The following ABI3BP variants were observed in gnomAD, a reference collection of about 807,000 sequenced individuals.
The protein encoded by ABI3BP is target of Nesh-SH3.
Under a neutral mutation model 268.6 loss-of-function variants are expected in ABI3BP, and 216 were observed. The ratio of observed to expected loss-of-function variants is 0.80; its 90% CI spans 0.72 to 0.90. The LOEUF is 0.90. Ranked by LOEUF, ABI3BP falls within the 40% of genes least tolerant of loss-of-function variation. The pLI, the probability that ABI3BP is intolerant of heterozygous loss-of-function variation, is 0.00. For synonymous variants in ABI3BP, 730 were observed against 730.0 expected, an observed-to-expected ratio of 1.00 and a Z score of 0.00; for missense variants, 2,090 against 2,182.4, an observed-to-expected ratio of 0.96 and a Z score of 0.84.
intron 41 of ABI3BP, 40 bp from the exon 42 acceptor site, chr3:100,817,535 T>A (rs1169574444): frequency 7.5e-7 from 1 of 1,332,616 alleles, no homozygotes; most frequent in South Asian, 1.5e-5. Flanking sequence ...AGATTTAACT[T>A]GAATATTAAT....
At chr3:100,783,790 T>G (rs562392160) in intron 57 of ABI3BP, among the ~76,000 whole-genome samples, 4 of 152,224 alleles carry the variant, frequency 2.6e-5, no homozygotes, top group African/African-American at 4.8e-5. Flanking sequence ...GAAACGTAGA[T>G]GTGTTTCCAA....
intron 8 of ABI3BP, among the ~76,000 whole-genome samples, chr3:100,875,293 A>G (rs2099149767): frequency 6.6e-6 from 1 of 152,208 alleles, no homozygotes; most frequent in Non-Finnish European, 1.5e-5. Flanking sequence ...CCCACTGCAC[A>G]TGTGCTAGAG....
intron 51 of ABI3BP, among the ~76,000 whole-genome samples, chr3:100,799,482 A>C (rs1053300280): frequency 6.6e-6 from 1 of 152,150 alleles, no homozygotes; most frequent in Non-Finnish European, 1.5e-5. Context: ...GTAAGTTTCT[A>C]AAATCTGGAA....
Position 100,810,520 on chromosome 3 carries a change from G to A in ABI3BP, c.3542-43C>T, listed in dbSNP as rs375047542. ...AAGTACGCGGGTTACTATAGCACTT[G>A]ACAGACCTTGAGTACAGATAACAGA... On this transcript the variant is annotated intron_variant, in intron 48 of 67. Transcript: ENST00000471714. The A allele has an allele frequency of 6.2e-5, 85 of 1,372,256 alleles. No homozygotes were observed. The African/African-American group carries it at 9.8e-4, about 16-fold the overall frequency. The allele number at this position is 1,372,256 out of a possible 1,614,324, so 85.0% of individuals were successfully genotyped here.
chr3:100,911,569 C>T lies in ABI3BP; in HGVS notation c.260-8883G>A, dbSNP rs897659877. ...TATTTTATCTTATGTACCTCCTTTA[C>T]TGATCCATCTTCTTCAAAAAATTTA... is the stretch of plus-strand genomic sequence containing the variant. On this transcript the variant is annotated intron_variant, in intron 2 of 67. Coordinates refer to ENST00000471714, the MANE Select transcript of ABI3BP (RefSeq NM_001375547.2). 1.9e-5 allele frequency: 12 copies of T among 641,932 alleles called. 1 individual carries two copies. The South Asian group carries it at 2.0e-4, about 10-fold the overall frequency. The allele number at this position is 641,932 out of a possible 1,614,324, so 39.8% of individuals were successfully genotyped here.
At chr3:100,898,628 C>A in intron 4 of ABI3BP, 134 bp downstream of exon 4, 1 of 995,754 alleles carries the variant, frequency 1.0e-6, no homozygotes, top group Non-Finnish European at 1.4e-6. Context: ...AGGGCAGGGC[C>A]CCTGACTTTG....
chr3:100,865,314 G>A (rs115848553), intron 10 of ABI3BP, among the ~76,000 whole-genome samples: 3,519 of 152,144 alleles, frequency 0.023, 126 homozygotes, highest in African/African-American at 0.079. Context: ...TTTATTAAAC[G>A]AATAAATGGG....
intron 1 of ABI3BP, among the ~76,000 whole-genome samples, chr3:100,985,259 C>G (rs1236027870): frequency 6.7e-6 from 1 of 149,598 alleles, no homozygotes; most frequent in African/African-American, 2.5e-5. Flanking sequence ...AAGCGATTCT[C>G]CTGCCTCAGC....
intron 54 of ABI3BP, among the ~76,000 whole-genome samples, chr3:100,794,313 A>G (rs2097277930): frequency 6.6e-6 from 1 of 151,844 alleles, no homozygotes; most frequent in African/African-American, 2.4e-5. Flanking sequence ...AAACTTTTAA[A>G]CCCTCTACGC....
rs762836381 is a variant in ABI3BP, at chr3:100,846,429, ATTGTGT to A, written c.1660_1665del (p.Thr554_Gln555del). 29 of 1,597,100 alleles carry A rather than the reference ATTGTGT, an allele frequency of 1.8e-5. No individual in the cohort carries two copies. The highest frequency in any genetic ancestry group is 1.7e-4 in the Middle Eastern group (1 of 6,040). On this transcript the variant is annotated inframe_deletion, in exon 20 of 68. Transcript: ENST00000471714. The stretch of plus-strand genomic sequence containing the variant: ...GGGATTTTAGGTTTCAGAGAAATAA[ATTGTGT>A]TTTACCGGGAGCTGGAAAAATAAAG...
chr3:100,908,152 C>T lies in ABI3BP; in HGVS notation c.260-5466G>A, dbSNP rs551417433. On this transcript the variant is annotated intron_variant, in intron 2 of 67. Transcript: ENST00000471714. Reference sequence around the variant, plus strand: ...AAAGAAAAAAGAAAAAAAAGTAAGCCTATTTCCACAGGTGCTGAAAAGTCA... The same window carrying T: ...AAAGAAAAAAGAAAAAAAAGTAAGCTTATTTCCACAGGTGCTGAAAAGTCA... Among the ~76,000 whole-genome samples the T allele has an allele frequency of 4.6e-5, 7 of 151,758 alleles. No individual in the cohort carries two copies. In the East Asian group the frequency reaches 1.2e-3, roughly 25 times the overall value.
intron 1 of ABI3BP, among the ~76,000 whole-genome samples, chr3:100,954,011 C>T (rs528553177): frequency 6.6e-6 from 1 of 152,266 alleles, no homozygotes; most frequent in African/African-American, 2.4e-5. Flanking sequence ...TTAGGATGAA[C>T]TGTCTTTCTC....
At chr3:100,967,816 A>G (rs937509473) in intron 1 of ABI3BP, among the ~76,000 whole-genome samples, 1 of 152,218 alleles carries the variant, frequency 6.6e-6, no homozygotes, top group African/African-American at 2.4e-5. Context: ...GCAAATAGAC[A>G]ATAGTTTTCA....
rs141630677 is a variant in ABI3BP, at chr3:100,931,887, C to G, written c.80-5406G>C. Among the ~76,000 whole-genome samples the G allele has an allele frequency of 2.7e-3, 408 of 151,860 alleles. 21 individuals are homozygous for G. In the East Asian group the frequency reaches 0.075, roughly 28 times the overall value. ...ATTCATATGGAACCACAAAACAGCC[C>G]AAGTAGCCAAAGCAATTCTAAACAA... On this transcript the variant is annotated intron_variant, in intron 1 of 67. Transcript: ENST00000471714.
chr3:100,979,967 T>G (rs2088447774), intron 1 of ABI3BP, among the ~76,000 whole-genome samples: 1 of 152,222 alleles, frequency 6.6e-6, no homozygotes, highest in African/African-American at 2.4e-5. Flanking sequence ...GTATTGTTAA[T>G]TCTCTAAGTA....
intron 20 of ABI3BP, among the ~76,000 whole-genome samples, chr3:100,845,174 C>A (rs2098752990): frequency 6.6e-6 from 1 of 152,186 alleles, no homozygotes; most frequent in South Asian, 2.1e-4. Context: ...TATCCCAAAG[C>A]TCTCTAAGCA....
At chr3:100,751,518 ACT>A (rs755166543) in intron 67 of ABI3BP, 32 bp downstream of exon 67, 7 of 1,538,376 alleles carry the variant, frequency 4.6e-6, no homozygotes, top group Admixed American at 2.0e-5. Flanking sequence ...AATCTGTAAA[ACT>A]CTGTTCTTAT....
In ABI3BP at chr3:100,940,786, C is replaced by CTATATATATATATATATATATA. The variant is rs1167503911; in HGVS notation, c.80-14327_80-14306dup. On this transcript the variant is annotated intron_variant, in intron 1 of 67. Transcript: ENST00000471714. The stretch of plus-strand genomic sequence containing the variant: ...CTCATTTACAAAGGAAATTACTTCA[C>CTATATATATATATATATATATA]TATATATATATATATATATATATAT... Among the ~76,000 whole-genome samples, 4 of 10,142 alleles carry CTATATATATATATATATATATA rather than the reference C, an allele frequency of 3.9e-4. 1 individual carries two copies. The highest frequency in any genetic ancestry group is 6.1e-4 in the African/African-American group (2 of 3,264). The allele number at this position is 10,142 out of a possible 152,430, so 6.7% of individuals were successfully genotyped here.
chr3:100,932,273 C>T (rs1056421096), intron 1 of ABI3BP, among the ~76,000 whole-genome samples: 3 of 151,952 alleles, frequency 2.0e-5, no homozygotes, highest in Non-Finnish European at 4.4e-5. Flanking sequence ...TAGGGCGTAT[C>T]ATTCTGGACA....
Sources: allele counts gnomAD v4.1 joint callset (sites outside exome capture counted in the v4.1 genomes callset), GRCh38; gene constraint gnomAD v4.1.1; transcripts MANE v1.5; gene names NCBI Gene and HGNC (gene_info 2026-07-23, HGNC 2026-07-21).